Variants in CMIP observed in about 807,000 individuals in gnomAD.
CMIP encodes C-Maf-inducing protein.
A neutral mutation model predicts 97.3 loss-of-function variants in CMIP; 13 were observed. The observed-to-expected ratio is 0.13, with a 90% CI of 0.09 to 0.21. The LOEUF (loss-of-function observed/expected upper bound fraction) is 0.21. CMIP is among the 10% of genes least tolerant of loss of function. The probability of loss-of-function intolerance (pLI) is 1.00; values close to 1 mark genes in which losing one functional copy is unlikely to be tolerated. For missense variants in CMIP, 847 were observed against 1,024.9 expected (o/e 0.83, Z 2.37); for synonymous variants, 538 against 436.3 (o/e 1.23, Z -2.91).
intron 3 of CMIP, among the ~76,000 whole-genome samples, chr16:81,643,516 G>A (rs746462475): frequency 4.6e-5 from 7 of 152,162 alleles, no homozygotes; most frequent in Non-Finnish European, 1.0e-4. Context: ...GTGGCCGGGC[G>A]CAGTGGCTCA....
chr16:81,570,195 C>T (rs984549107), intron 1 of CMIP, among the ~76,000 whole-genome samples: 1 of 152,110 alleles, frequency 6.6e-6, no homozygotes, highest in Non-Finnish European at 1.5e-5. Context: ...TAGAAATTTC[C>T]ACTTGTGTGG....
intron 3 of CMIP, among the ~76,000 whole-genome samples, chr16:81,628,111 G>T (rs559792611): frequency 6.6e-6 from 1 of 152,248 alleles, no homozygotes; most frequent in African/African-American, 2.4e-5. Context: ...TAGAAGGGGG[G>T]ATCCCTACAA....
At chr16:81,524,697 C>A (rs2925989) in intron 1 of CMIP, among the ~76,000 whole-genome samples, 2,550 of 152,360 alleles carry the variant, frequency 0.017, 42 homozygotes, top group Middle Eastern at 0.075. Context: ...TCAGAGCCAC[C>A]CAGCGACTCA....
In CMIP at chr16:81,510,075, G is replaced by A. The variant is rs932119617; in HGVS notation, c.300+64534G>A. ...GCTTTTCCTGTATCTTTAATGGGGC[G>A]TTTGGCAAAAGCTCTGCTCACTTTG... On this transcript the variant is annotated intron_variant, in intron 1 of 20. Coordinates refer to ENST00000537098, the MANE Select transcript of CMIP (RefSeq NM_198390.3). Among the ~76,000 whole-genome samples the A allele has an allele frequency of 5.3e-5, 8 of 152,310 alleles. No individual in the cohort carries two copies. In the East Asian group the frequency reaches 1.5e-3, roughly 29 times the overall value.
chr16:81,661,650 C>A (rs557090034), intron 6 of CMIP, among the ~76,000 whole-genome samples: 130 of 152,336 alleles, frequency 8.5e-4, no homozygotes, highest in East Asian at 3.1e-3. Flanking sequence ...GAGGCGTGGG[C>A]TGTGTCCAGC....
At chr16:81,678,746 C>G (rs1224155254) in intron 10 of CMIP, 118 bp downstream of exon 10, 1 of 607,144 alleles carries the variant, frequency 1.6e-6, no homozygotes, top group Non-Finnish European at 2.9e-6. Flanking sequence ...GGTAGAGTGG[C>G]TTGTGTGTGA....
At chr16:81,505,543 T>C (rs1329774294) in intron 1 of CMIP, among the ~76,000 whole-genome samples, 1 of 152,202 alleles carries the variant, frequency 6.6e-6, no homozygotes, top group Non-Finnish European at 1.5e-5. Context: ...CTTTCTTAGT[T>C]TGGGAACTGA....
chr16:81,490,371 G>A (rs1322224340), intron 1 of CMIP, among the ~76,000 whole-genome samples: 1 of 152,214 alleles, frequency 6.6e-6, no homozygotes, highest in Non-Finnish European at 1.5e-5. Flanking sequence ...TGTAATCCCA[G>A]CACTTTGAGA....
intron 1 of CMIP, among the ~76,000 whole-genome samples, chr16:81,529,341 A>G (rs1320589069): frequency 6.6e-6 from 1 of 152,038 alleles, no homozygotes; most frequent in Non-Finnish European, 1.5e-5. Context: ...CATGCTTGGG[A>G]CACTCAGTGA....
chr16:81,634,329 G>A (rs577295426), intron 3 of CMIP, among the ~76,000 whole-genome samples: 1 of 152,164 alleles, frequency 6.6e-6, no homozygotes, highest in African/African-American at 2.4e-5. Context: ...GTATGAACAC[G>A]AGTCTGACTC....
intron 1 of CMIP, among the ~76,000 whole-genome samples, chr16:81,558,734 G>T (rs893538108): frequency 2.6e-5 from 4 of 152,188 alleles, no homozygotes; most frequent in African/African-American, 9.7e-5. Flanking sequence ...AGTATTTGCT[G>T]CTTGGCACCC....
intron 2 of CMIP, chr16:81,610,281 C>A: frequency 3.0e-6 from 3 of 983,894 alleles, no homozygotes; most frequent in Non-Finnish European, 3.6e-6. Context: ...CCGTGTCTGG[C>A]AGGGCTTCAG....
Position 81,652,438 on chromosome 16 carries a change from G to A in CMIP, c.639+74G>A. The A allele has an allele frequency of 1.5e-6, 2 of 1,308,116 alleles. No individual in the cohort carries two copies. Among genetic ancestry groups the A allele is most frequent in the Non-Finnish European group, 2.1e-6 (2 of 931,344 alleles). The allele number at this position is 1,308,116 out of a possible 1,614,324, so 81.0% of individuals were successfully genotyped here. A position where few individuals can be genotyped will look rare whatever the true frequency, so the allele number is the denominator to read the frequency against. On this transcript the variant is annotated intron_variant, in intron 4 of 20. Transcript: ENST00000537098. This position sits in a 1 kb window ranked among gnomAD's most constrained non-coding sequence, Gnocchi z 5.2. ...CCGATCACCGGCTCCATGCCAAGCA[G>A]CAGGCGCAGGCAGAGCTCCGTGTGG...
intron 1 of CMIP, among the ~76,000 whole-genome samples, chr16:81,528,793 G>A (rs1425465768): frequency 6.6e-6 from 1 of 152,138 alleles, no homozygotes; most frequent in Non-Finnish European, 1.5e-5. Flanking sequence ...CCTAATTCAT[G>A]CCTGCTCGCC....
At chr16:81,682,935 A>T (rs1905019178) in intron 10 of CMIP, among the ~76,000 whole-genome samples, 1 of 152,228 alleles carries the variant, frequency 6.6e-6, no homozygotes, top group South Asian at 2.1e-4. Flanking sequence ...GGGTGAGGTG[A>T]TGAAAAGAAC....
intron 3 of CMIP, among the ~76,000 whole-genome samples, chr16:81,639,444 G>C (rs750270396): frequency 1.3e-5 from 2 of 152,070 alleles, no homozygotes; most frequent in Non-Finnish European, 2.9e-5. Flanking sequence ...CCACCATTCT[G>C]CTTTCGGTCT....
intron 1 of CMIP, among the ~76,000 whole-genome samples, chr16:81,590,294 C>G (rs1239641683): frequency 6.6e-6 from 1 of 152,192 alleles, no homozygotes; most frequent in African/African-American, 2.4e-5. Flanking sequence ...TCCTGGTATT[C>G]TCTTGAAGGC....
At chr16:81,466,721 G>A (rs1467461495) in intron 1 of CMIP, among the ~76,000 whole-genome samples, 1 of 152,202 alleles carries the variant, frequency 6.6e-6, no homozygotes, top group Non-Finnish European at 1.5e-5. Flanking sequence ...GCAAGTTAAT[G>A]CATTGACCAT....
At chr16:81,681,260 C>T (rs1904847102) in intron 10 of CMIP, among the ~76,000 whole-genome samples, 5 of 152,256 alleles carry the variant, frequency 3.3e-5, no homozygotes, top group Admixed American at 3.3e-4. Flanking sequence ...TCCCCACACC[C>T]AGCAGGCTGC....
Sources: allele counts gnomAD v4.1 joint callset (sites outside exome capture counted in the v4.1 genomes callset), GRCh38; gene constraint gnomAD v4.1.1; non-coding constraint Gnocchi (gnomAD v3.1); transcripts MANE v1.5; gene names NCBI Gene and HGNC (gene_info 2026-07-23, HGNC 2026-07-21).